TEX101: variants seen among roughly 807,000 people sequenced by gnomAD.
TEX101 encodes testis expressed 101.
A neutral mutation model predicts 18.1 loss-of-function variants in TEX101; 10 were observed. The ratio of observed to expected loss-of-function variants is 0.55; its 90% confidence interval spans 0.34 to 0.94. The LOEUF (loss-of-function observed/expected upper bound fraction) is 0.94, where lower values mean the gene tolerates loss of function less well. Among genes scored for constraint, TEX101 ranks in the 40% least tolerant of loss-of-function variants. The probability of loss-of-function intolerance (pLI) is 0.02; values close to 1 mark genes in which losing one functional copy is unlikely to be tolerated. For synonymous variants in TEX101, 94 were observed against 114.8 expected, an observed-to-expected ratio of 0.82 and a Z score of 1.16; for missense variants, 259 against 298.9, an observed-to-expected ratio of 0.87 and a Z score of 0.98.
At chr19:43,407,308 A>AC (rs888688919) in intron 3 of TEX101, among the ~76,000 whole-genome samples, 30 of 151,794 alleles carry the variant, frequency 2.0e-4, no homozygotes, top group African/African-American at 7.3e-4. Flanking sequence ...ACATGGTGAA[A>AC]CCCCCATCTC....
Position 43,415,914 on chromosome 19 carries a change from G to A in TEX101, c.-6G>A. The A allele has an allele frequency of 1.2e-6, 2 of 1,614,136 alleles. No individual in the cohort carries two copies. The highest frequency in any genetic ancestry group is 1.7e-6 in the Non-Finnish European group (2 of 1,180,028). On this transcript the variant is annotated 5_prime_UTR_variant, in exon 2 of 6. Transcript: ENST00000598265. ...CAGCTCCTCCCAGACCTCTCCAGAA[G>A]AAGCCATGGGAACCCCTCGTATCCA... is the stretch of plus-strand genomic sequence containing the variant.
the TEX101 span, among the ~76,000 whole-genome samples, chr19:43,392,617 C>A: frequency 2.6e-5 from 4 of 151,714 alleles, no homozygotes; most frequent in Non-Finnish European, 4.4e-5. Context: ...GCTGATGGGG[C>A]CACACAAAAT....
chr19:43,393,071 G>T, the TEX101 span, among the ~76,000 whole-genome samples: 1 of 143,692 alleles, frequency 7.0e-6, no homozygotes, highest in Non-Finnish European at 1.5e-5. Context: ...AAGAAAGAAA[G>T]AAGGGAAGGA....
At position 43,417,951 on chromosome 19, in the gene TEX101, T is replaced by A. The variant is rs527860324; in HGVS notation, c.465T>A (p.Leu155=). ...ALGTCFSAPS[L]PCPNGTTRCY... ...GGACCTGTTTCAGTGCTCCTTCTCT[T>A]CCCTGTCCCAATGGTACAACTCGAT... The change falls in exon 5 of 6, where the codon CTT becomes CTA. Residue 155 remains leucine (L), a synonymous_variant. Transcript: ENST00000598265. The A allele has an allele frequency of 1.2e-6, 2 of 1,614,150 alleles. No individual in the cohort carries two copies. The highest frequency in any genetic ancestry group is 2.7e-5 in the African/African-American group (2 of 75,030).
At chr19:43,414,883 G>A, upstream of TEX101, 1 of 985,516 alleles carries the variant, frequency 1.0e-6, no homozygotes, top group African/African-American at 1.7e-5. Context: ...GCCCGGCCTT[G>A]CGTCGTAAGA....
chr19:43,390,064 G>A, the TEX101 span, among the ~76,000 whole-genome samples: 2 of 152,202 alleles, frequency 1.3e-5, no homozygotes, highest in East Asian at 3.8e-4. Context: ...CAGCTGCTAA[G>A]AGAGGCCTCG....
chr19:43,399,411 AATG>A (rs1970300365), upstream of TEX101, among the ~76,000 whole-genome samples: 1 of 152,132 alleles, frequency 6.6e-6, no homozygotes, highest in Non-Finnish European at 1.5e-5. Context: ...TGATCTAGGC[AATG>A]ATGATGATCA....
chr19:43,417,583 A>C (rs1970493614), intron 4 of TEX101, among the ~76,000 whole-genome samples: 1 of 152,244 alleles, frequency 6.6e-6, no homozygotes, highest in Non-Finnish European at 1.5e-5. Flanking sequence ...TTATACCTTG[A>C]ACACAGCAGC....
intron 3 of TEX101, among the ~76,000 whole-genome samples, chr19:43,408,787 C>T (rs2355988): frequency 0.25 from 38,730 of 152,018 alleles, 5,435 homozygotes; most frequent in East Asian, 0.59. Flanking sequence ...CCAGACTCTT[C>T]CCATCCCCAA....
upstream of TEX101, among the ~76,000 whole-genome samples, chr19:43,410,101 G>T (rs555747850): frequency 6.6e-6 from 1 of 152,246 alleles, no homozygotes; most frequent in Admixed American, 6.5e-5. Flanking sequence ...GTTTTGTAAG[G>T]TTTGCAGAAG....
At chr19:43,389,580 C>T in the TEX101 span, among the ~76,000 whole-genome samples, 1 of 152,090 alleles carries the variant, frequency 6.6e-6, no homozygotes, top group African/African-American at 2.4e-5. Flanking sequence ...TTCATGAGGG[C>T]CCTTGGAGCT....
upstream of TEX101, among the ~76,000 whole-genome samples, chr19:43,413,520 A>ATTTATT (rs1970438165): frequency 6.7e-6 from 1 of 150,108 alleles, no homozygotes; most frequent in Non-Finnish European, 1.5e-5. Flanking sequence ...AAGGCCAAGA[A>ATTTATT]TTTATTTTTC....
chr19:43,398,557 G>A (rs1970293770), upstream of TEX101, among the ~76,000 whole-genome samples: 2 of 152,052 alleles, frequency 1.3e-5, no homozygotes, highest in South Asian at 4.1e-4. Flanking sequence ...ATCATGCCCA[G>A]CCCCATGTAT....
At position 43,416,473 on chromosome 19, in the gene TEX101, C is replaced by CT. The variant is rs757824116; in HGVS notation, c.310dup (p.Ser104PhefsTer4). On this transcript the variant is annotated frameshift_variant, in exon 4 of 6. Transcript: ENST00000598265. LOFTEE classifies it high-confidence loss of function. ...CTTCACCTCCCGGCCTGATCGTGAC[C>CT]TCCTACAGTAACTACTGTGAGGATT... 3.2e-5 allele frequency: 51 copies of CT among 1,614,070 alleles called. No individual in the cohort carries two copies. Among genetic ancestry groups the CT allele is most frequent in the Non-Finnish European group, 4.0e-5 (47 of 1,180,040 alleles).
chr19:43,392,466 T>C, the TEX101 span, among the ~76,000 whole-genome samples: 1 of 152,084 alleles, frequency 6.6e-6, no homozygotes, highest in Admixed American at 6.6e-5. Context: ...CCTTAGATTT[T>C]GCAGCAGAGA....
rs1369836342 is a variant in TEX101, at chr19:43,416,559, C to T, written c.391+4C>T. 1 of 1,611,106 alleles carries T rather than the reference C, an allele frequency of 6.2e-7. No individual in the cohort carries two copies. The highest frequency in any genetic ancestry group is 8.5e-7 in the Non-Finnish European group (1 of 1,178,150). ...TGGGAGTTCAGTGAGACCACAGGTA[C>T]CCTGGAAGTGGGGGAGATAGGTACT... On this transcript the variant is annotated splice_donor_region_variant and intron_variant, in intron 4 of 5. Coordinates refer to ENST00000598265, the MANE Select transcript of TEX101 (RefSeq NM_001130011.3).
chr19:43,396,402 G>A, the TEX101 span, among the ~76,000 whole-genome samples: 2 of 152,064 alleles, frequency 1.3e-5, no homozygotes, highest in Non-Finnish European at 2.9e-5. Context: ...CTGTTTTTCT[G>A]TAGCCTCATC....
rs766534245 is a variant in TEX101, at chr19:43,418,163, T to C, written c.521-5T>C. 1.1e-5 allele frequency: 17 copies of C among 1,614,048 alleles called. No homozygotes were observed. In the Admixed American group the frequency reaches 1.5e-4, roughly 14 times the overall value. ...TGTCTCTCCCGATCCTTCCTTGTTC[T>C]ATAGGTGGCATTGAGTCGTCTGTGG... On this transcript the variant is annotated splice_polypyrimidine_tract_variant and splice_region_variant and intron_variant, in intron 5 of 5. Transcript: ENST00000598265.
upstream of TEX101, among the ~76,000 whole-genome samples, chr19:43,399,832 A>G (rs1970304376): frequency 6.9e-6 from 1 of 143,926 alleles, no homozygotes; most frequent in African/African-American, 2.6e-5. Context: ...TTAAAGACGA[A>G]GTTTCACTCT....
Sources: gnomAD v4.1 joint callset for allele counts (sites outside exome capture counted in the v4.1 genomes callset) on GRCh38, gnomAD v4.1.1 for gene constraint, MANE v1.5 for transcripts, NCBI Gene and HGNC (gene_info 2026-07-23, HGNC 2026-07-21) for gene names.